COL11A2: variants seen among roughly 807,000 people sequenced by gnomAD.
COL11A2 encodes the protein collagen type XI alpha 2 chain.
A neutral mutation model predicts 273.4 loss-of-function variants in COL11A2; 116 were observed. The ratio of observed to expected loss-of-function variants is 0.42; its 90% CI spans 0.36 to 0.49. COL11A2 has a LOEUF of 0.49. COL11A2 is among the 20% of genes least tolerant of loss of function. COL11A2 has a pLI of 0.00. For missense variants in COL11A2, 1,866 were observed against 2,309.0 expected (o/e 0.81, Z 3.93); for synonymous variants, 782 against 864.2 (o/e 0.90, Z 1.67).
chr6:33,172,189 G>A, intron 40 of COL11A2, 86 bp from the exon 41 acceptor site: 1 of 1,565,770 alleles, frequency 6.4e-7, no homozygotes, highest in Non-Finnish European at 8.8e-7. Context: ...CCAAAAGATG[G>A]AAGTGGGGAG....
rs752429079 is a variant in COL11A2 at position 33,178,197 on chromosome 6, G to T, written c.1819-12C>A. ...AGACCTCGAGGTCCCTGCATTCACG[G>T]TGAGGGGAGGAGACGGCATGAATGG... On this transcript the variant is annotated splice_polypyrimidine_tract_variant and intron_variant, in intron 20 of 65. Transcript: ENST00000341947. The surrounding 1 kb of genome is among the most constrained non-coding windows in gnomAD (Gnocchi z 4.6). 6.2e-7 allele frequency: 1 copy of T among 1,611,502 alleles called. No individual in the cohort carries two copies. The highest frequency in any genetic ancestry group is 1.1e-5 in the South Asian group (1 of 90,996).
Position 33,165,560 on chromosome 6 carries a change from T to G in COL11A2, c.4739A>C (p.Glu1580Ala). ...AGGCTAGCACTGACCATCGGGAAGC[T>G]CTGGGTGGCACAGCTTCAGGTCCTG... Reference protein sequence around the residue: ...TCQDLKLCHPELPDGEYWVDP... With the variant: ...TCQDLKLCHPALPDGEYWVDP... Residue 1580 changes from glutamate to alanine, a missense_variant, in exon 63 of 66, where the codon GAG (glutamate) becomes GCG (alanine). Physicochemically the swap from Glu to Ala is moderately radical, Grantham distance 107. Transcript: ENST00000341947. The surrounding 1 kb of genome is among the most constrained non-coding windows in gnomAD (Gnocchi z 7.7). The G allele has an allele frequency of 1.2e-6, 2 of 1,613,130 alleles. No homozygotes were observed. The highest frequency in any genetic ancestry group is 1.7e-6 in the Non-Finnish European group (2 of 1,180,004).
At position 33,176,841 on chromosome 6, in the gene COL11A2, C is replaced by A. The variant is rs1244646007; in HGVS notation, c.2071-76G>T. ...GCACCCCTCCCTACACTTCTTCCAA[C>A]CCAAATTTCCTGTGACCTAGTGAAG... On this transcript the variant is annotated intron_variant, in intron 25 of 65. Coordinates refer to ENST00000341947, the MANE Select transcript of COL11A2 (RefSeq NM_080680.3). This position sits in a 1 kb window ranked among gnomAD's most constrained non-coding sequence, Gnocchi z 4.9. 1 of 1,561,920 alleles carries A rather than the reference C, an allele frequency of 6.4e-7. No homozygotes were observed. Among genetic ancestry groups the A allele is most frequent in the East Asian group, 2.3e-5 (1 of 44,072 alleles).
At position 33,164,485 on chromosome 6, in the gene COL11A2, G is replaced by A. The variant is rs1768798794; in HGVS notation, c.4864-12C>T. 1.0e-5 allele frequency: 16 copies of A among 1,525,722 alleles called. No homozygotes were observed. The highest frequency in any genetic ancestry group is 1.4e-5 in the Non-Finnish European group (16 of 1,131,084). 94.5% of individuals were successfully genotyped at this position (1,525,722 alleles called of 1,614,324 possible). On this transcript the variant is annotated splice_polypyrimidine_tract_variant and intron_variant, in intron 64 of 65. Transcript: ENST00000341947. This position sits in a 1 kb window ranked among gnomAD's most constrained non-coding sequence, Gnocchi z 4.7. Reference sequence around the variant, plus strand: ...TCCACGTAAGAGAACTGGAAGGAGAGAGAGGGCTGGCCTCAGAGGGGGAGA... The same window carrying A: ...TCCACGTAAGAGAACTGGAAGGAGAAAGAGGGCTGGCCTCAGAGGGGGAGA...
chr6:33,177,221 A>C lies in COL11A2; in HGVS notation c.1976T>G (p.Leu659Arg). ...GCCGATGGCACCCTGGGGCCCGGGA[A>C]GACCCTACATACAGGGAAAGAGAAG... ...GQQGTPGTQG[L>R]PGPQGAIGPH... Residue 659 changes from leucine to arginine, a missense_variant, in exon 24 of 66, where the codon CTT becomes CGT. By Grantham distance (102) the Leu-to-Arg change is moderately radical. Transcript: ENST00000341947. The surrounding 1 kb of genome is among the most constrained non-coding windows in gnomAD (Gnocchi z 5.9). The C allele has an allele frequency of 3.1e-6, 5 of 1,613,064 alleles. No individual in the cohort carries two copies. Among genetic ancestry groups the C allele is most frequent in the Non-Finnish European group, 4.2e-6 (5 of 1,180,006 alleles).
At chr6:33,180,600 G>A (rs928492945) in intron 11 of COL11A2, 68 bp downstream of exon 11, 5 of 1,424,862 alleles carry the variant, frequency 3.5e-6, no homozygotes, top group Non-Finnish European at 4.8e-6. Flanking sequence ...ACTGGGCATG[G>A]TAGCCCCCCG....
Position 33,189,322 on chromosome 6 carries a change from G to C in COL11A2, c.230C>G (p.Pro77Arg). The C allele has an allele frequency of 1.2e-6, 2 of 1,613,780 alleles. No individual in the cohort carries two copies. The highest frequency in any genetic ancestry group is 1.7e-6 in the Non-Finnish European group (2 of 1,180,020). Residue 77 changes from proline (P) to arginine (R), a missense_variant and splice_region_variant, in exon 2 of 66, where the codon CCA (proline) becomes CGA (arginine). Physicochemically the swap from Pro to Arg is moderately radical, Grantham distance 103 (BLOSUM62 -2). Coordinates refer to ENST00000341947, the MANE Select transcript of COL11A2 (RefSeq NM_080680.3). This position sits in a 1 kb window ranked among gnomAD's most constrained non-coding sequence, Gnocchi z 5.6. ...QLSAPTRQLF[P>R]GGFPKDFSLL... ...CTACCCCACCATGTCACCCATACCT[G>C]GGAAAAGCTGGCGAGTGGGTGCACT...
chr6:33,176,822 C>T lies in COL11A2; in HGVS notation c.2071-57G>A, dbSNP rs1770973397. On this transcript the variant is annotated intron_variant, in intron 25 of 65. Transcript: ENST00000341947. This position sits in a 1 kb window ranked among gnomAD's most constrained non-coding sequence, Gnocchi z 4.9. ...GGCCCCTGTCACCCTCTCTGCACCC[C>T]TCCCTACACTTCTTCCAACCCAAAT... The T allele has an allele frequency of 6.3e-7, 1 of 1,582,346 alleles. No homozygotes were observed. The highest frequency in any genetic ancestry group is 8.6e-7 in the Non-Finnish European group (1 of 1,159,684).
Position 33,185,710 on chromosome 6 carries a change from A to T in COL11A2, c.867T>A (p.Pro289=), listed in dbSNP as rs1772324967. The change falls in exon 6 of 66, where the codon CCT becomes CCA. Residue 289 remains proline (P), a synonymous_variant. Coordinates refer to ENST00000341947, the MANE Select transcript of COL11A2 (RefSeq NM_080680.3). ...YYDVMTTGTT[P]DYQDPTPGEE... ...GGTCCCTTGAGTTTACCTGATAATC[A>T]GGGGTTGTCCCCGTAGTCATCACAT... 7.4e-7 allele frequency: 1 copy of T among 1,355,794 alleles called. No homozygotes were observed. Among genetic ancestry groups the T allele is most frequent in the Non-Finnish European group, 9.9e-7 (1 of 1,014,608 alleles). 84.0% of individuals were successfully genotyped at this position (1,355,794 alleles called of 1,614,324 possible).
chr6:33,169,507 G>A lies in COL11A2; in HGVS notation c.3691-17C>T. On this transcript the variant is annotated splice_polypyrimidine_tract_variant and intron_variant, in intron 50 of 65. Coordinates refer to ENST00000341947, the MANE Select transcript of COL11A2 (RefSeq NM_080680.3). The surrounding 1 kb of genome is among the most constrained non-coding windows in gnomAD (Gnocchi z 5.5). ...GCGTGGACCCTGCAGAACAAGCGGA[G>A]GACACAGATGGCCCAGGGAATCTTG... The A allele has an allele frequency of 6.2e-7, 1 of 1,608,916 alleles. No homozygotes were observed. The highest frequency in any genetic ancestry group is 2.2e-5 in the East Asian group (1 of 44,862).
rs1324919472 is a variant in COL11A2 at position 33,169,027 on chromosome 6, A to C, written c.3799-19T>G. 1 of 1,601,522 alleles carries C rather than the reference A, an allele frequency of 6.2e-7. No individual in the cohort carries two copies. Among genetic ancestry groups the C allele is most frequent in the East Asian group, 2.2e-5 (1 of 44,766 alleles). On this transcript the variant is annotated intron_variant, in intron 51 of 65. Coordinates refer to ENST00000341947, the MANE Select transcript of COL11A2 (RefSeq NM_080680.3). The surrounding 1 kb of genome is among the most constrained non-coding windows in gnomAD (Gnocchi z 5.5). Reference sequence around the variant, plus strand: ...CAGGACCCTGATCCAGATGGAGAATAAGAGTCAGGGTCACAGCTCCCTAAG... The same window carrying C: ...CAGGACCCTGATCCAGATGGAGAATCAGAGTCAGGGTCACAGCTCCCTAAG...
intron 3 of COL11A2, 58 bp from the exon 4 acceptor site, chr6:33,188,582 A>C: frequency 6.2e-7 from 1 of 1,602,514 alleles, no homozygotes; most frequent in South Asian, 1.1e-5. Context: ...AGGGGAGTCA[A>C]CATGGTTGGA....
Position 33,164,185 on chromosome 6 carries a change from G to A in COL11A2, c.5070+82C>T. On this transcript the variant is annotated intron_variant, in intron 65 of 65. Coordinates refer to ENST00000341947, the MANE Select transcript of COL11A2 (RefSeq NM_080680.3). This position sits in a 1 kb window ranked among gnomAD's most constrained non-coding sequence, Gnocchi z 4.7. ...GGACTCCTCCCTGCTCCCCCTGGGT[G>A]CCCTGCCCAAGGGGTCTTCCCACCT... 6.7e-7 allele frequency: 1 copy of A among 1,487,542 alleles called. No individual in the cohort carries two copies. Among genetic ancestry groups the A allele is most frequent in the Non-Finnish European group, 9.2e-7 (1 of 1,086,632 alleles). 92.1% of individuals were successfully genotyped at this position (1,487,542 alleles called of 1,614,324 possible).
chr6:33,170,886 G>A lies in COL11A2; in HGVS notation c.3398C>T (p.Pro1133Leu). Residue 1133 changes from proline to leucine, a missense_variant, in exon 46 of 66, where the codon CCC becomes CTC. Physicochemically the swap from Pro to Leu is moderately conservative, Grantham distance 98. Transcript: ENST00000341947. This position sits in a 1 kb window ranked among gnomAD's most constrained non-coding sequence, Gnocchi z 4.3. ...ACCTTTGGCTCCAAAGTGTCCCTGG[G>A]GTCCCCGAGCTCCGGGCTCCCCATC... ...GADGEPGARGPQGHFGAKGDE... is the reference protein window; with the variant it reads ...GADGEPGARGLQGHFGAKGDE... The A allele has an allele frequency of 6.2e-7, 1 of 1,612,916 alleles. No homozygotes were observed. Among genetic ancestry groups the A allele is most frequent in the East Asian group, 2.2e-5 (1 of 44,874 alleles).
chr6:33,177,082 G>A lies in COL11A2; in HGVS notation c.2017-37C>T, dbSNP rs747638427. 3 of 1,612,520 alleles carry A rather than the reference G, an allele frequency of 1.9e-6. No homozygotes were observed. The highest frequency in any genetic ancestry group is 1.1e-5 in the South Asian group (1 of 91,072). Reference sequence around the variant, plus strand: ...CAAAGAGGCTCAGGGTCACTAGAGGGGTCATGTCTGGACACAGACAAAATC... The same window carrying A: ...CAAAGAGGCTCAGGGTCACTAGAGGAGTCATGTCTGGACACAGACAAAATC... On this transcript the variant is annotated intron_variant, in intron 24 of 65. Transcript: ENST00000341947. This position sits in a 1 kb window ranked among gnomAD's most constrained non-coding sequence, Gnocchi z 5.9.
chr6:33,166,873 G>A lies in COL11A2; in HGVS notation c.4231-46C>T, dbSNP rs772225344. ...TCAAGAGAATGCAAAGAGGAGTCAT[G>A]TGGATGGGGGAGAAGGGCCAAGAGG... On this transcript the variant is annotated intron_variant, in intron 58 of 65. Transcript: ENST00000341947. This position sits in a 1 kb window ranked among gnomAD's most constrained non-coding sequence, Gnocchi z 4.8. 1 of 1,593,554 alleles carries A rather than the reference G, an allele frequency of 6.3e-7. No individual in the cohort carries two copies. Among genetic ancestry groups the A allele is most frequent in the South Asian group, 1.1e-5 (1 of 89,716 alleles).
chr6:33,173,525 A>T lies in COL11A2; in HGVS notation c.2659T>A (p.Phe887Ile). Residue 887 changes from phenylalanine to isoleucine, a missense_variant, in exon 36 of 66, where the codon TTT becomes ATT. Transcript: ENST00000341947. This position sits in a 1 kb window ranked among gnomAD's most constrained non-coding sequence, Gnocchi z 6.3. ...GLPGPQGPNG[F>I]PGPKGPPGPP... ...ACCGGGGGTCCTTTCGGTCCAGGAA[A>T]CCCGTTGGGACCCTGAGGTCCAGGG... The T allele has an allele frequency of 6.5e-7, 1 of 1,528,008 alleles. No individual in the cohort carries two copies. Among genetic ancestry groups the T allele is most frequent in the Non-Finnish European group, 8.9e-7 (1 of 1,127,542 alleles). 94.7% of individuals were successfully genotyped at this position (1,528,008 alleles called of 1,614,324 possible). A position where few individuals can be genotyped will look rare whatever the true frequency, so the allele number is the denominator to read the frequency against.
In COL11A2 at chr6:33,165,668, A is replaced by G. The variant is rs1189824952; in HGVS notation, c.4631T>C (p.Phe1544Ser). 1.2e-6 allele frequency: 2 copies of G among 1,611,862 alleles called. No individual in the cohort carries two copies. The highest frequency in any genetic ancestry group is 1.7e-6 in the Non-Finnish European group (2 of 1,179,954). The change falls in exon 63 of 66, where the codon TTT becomes TCT. Residue 1544 changes from phenylalanine to serine, a missense_variant. Phe to Ser is a radical substitution (Grantham distance 155, BLOSUM62 -2). Transcript: ENST00000341947. This position sits in a 1 kb window ranked among gnomAD's most constrained non-coding sequence, Gnocchi z 7.7. Reference protein sequence around the residue: ...PGSPGGLEEIFGSLDSLREEI... With the variant: ...PGSPGGLEEISGSLDSLREEI... ...CTCCCGCAGGGAGTCGAGTGAGCCA[A>G]AGATCTCCTCCAGCCCCCCAGGACT...
chr6:33,174,873 C>T (rs1172334406), intron 30 of COL11A2, among the ~76,000 whole-genome samples: 1 of 152,142 alleles, frequency 6.6e-6, no homozygotes, highest in Non-Finnish European at 1.5e-5. Context: ...ATGTCAACCT[C>T]AGCTCCATCT....
Sources: gnomAD v4.1 joint callset for allele counts (sites outside exome capture counted in the v4.1 genomes callset) on GRCh38, gnomAD v4.1.1 for gene constraint, Gnocchi (gnomAD v3.1) non-coding constraint, MANE v1.5 for transcripts, NCBI Gene and HGNC (gene_info 2026-07-23, HGNC 2026-07-21) for gene names.